STK33: variants seen among roughly 807,000 people sequenced by gnomAD.
STK33 encodes serine/threonine kinase 33.
Under a neutral mutation model 58.0 loss-of-function variants are expected in STK33, and 52 were observed. The ratio of observed to expected loss-of-function variants is 0.90; its 90% confidence interval spans 0.72 to 1.13. STK33 has a LOEUF of 1.13. Among genes scored for constraint, STK33 ranks in the 50% most tolerant of loss-of-function variants. The pLI, the probability that STK33 is intolerant of heterozygous loss-of-function variation, is 0.00. For synonymous variants in STK33, 215 were observed against 200.1 expected (o/e 1.07, Z -0.63); for missense variants, 630 against 604.2 (o/e 1.04, Z -0.45).
intron 1 of STK33, among the ~76,000 whole-genome samples, chr11:8,558,594 A>G (rs190925402): frequency 6.6e-6 from 1 of 152,284 alleles, no homozygotes; most frequent in African/African-American, 2.4e-5. Flanking sequence ...GGTTATCTGA[A>G]ATCAGAAGGA....
At chr11:8,537,837 T>C (rs916621663) in intron 1 of STK33, among the ~76,000 whole-genome samples, 1 of 146,174 alleles carries the variant, frequency 6.8e-6, no homozygotes, top group East Asian at 2.0e-4. Flanking sequence ...AAAAAAATAA[T>C]AAAAAATAAA....
In STK33 at chr11:8,475,057, C is replaced by G. The variant is rs1466840672; in HGVS notation, c.-152G>C. ...TAAGGATGCACTAGACACATATTCA[C>G]ACGTGAGAGCTGCAGAAAGAAAAGA... On this transcript the variant is annotated 5_prime_UTR_variant, in exon 5 of 16. Transcript: ENST00000687296. 1 of 557,338 alleles carries G rather than the reference C, an allele frequency of 1.8e-6. No individual in the cohort carries two copies. Among genetic ancestry groups the G allele is most frequent in the East Asian group, 3.1e-5 (1 of 31,996 alleles). 34.5% of individuals were successfully genotyped at this position (557,338 alleles called of 1,614,324 possible). A position where few individuals can be genotyped will look rare whatever the true frequency, so the allele number is the denominator to read the frequency against.
chr11:8,428,147 A>G (rs1490399480), intron 14 of STK33, among the ~76,000 whole-genome samples: 1 of 152,244 alleles, frequency 6.6e-6, no homozygotes, highest in Non-Finnish European at 1.5e-5. Flanking sequence ...AAAGTACACC[A>G]AAAGTATCAG....
intron 1 of STK33, among the ~76,000 whole-genome samples, chr11:8,490,278 C>CTGGATAGGCTGCA (rs1259611859): frequency 1.3e-5 from 2 of 152,220 alleles, no homozygotes; most frequent in Non-Finnish European, 2.9e-5. Context: ...CCCTGCATGG[C>CTGGATAGGCTGCA]TGGATAGGTC....
intron 7 of STK33, among the ~76,000 whole-genome samples, chr11:8,462,478 T>C (rs1336086066): frequency 6.3e-5 from 8 of 126,122 alleles, no homozygotes; most frequent in Non-Finnish European, 9.0e-5. Context: ...CACACATATA[T>C]ATATATATGT....
At chr11:8,487,610 G>A (rs1950282291) in intron 1 of STK33, among the ~76,000 whole-genome samples, 1 of 152,072 alleles carries the variant, frequency 6.6e-6, no homozygotes, top group South Asian at 2.1e-4. Context: ...TCAGTGGACT[G>A]AAGAATGGAA....
chr11:8,561,524 G>A (rs1369109946), intron 1 of STK33, among the ~76,000 whole-genome samples: 1 of 151,878 alleles, frequency 6.6e-6, no homozygotes, highest in East Asian at 1.9e-4. Flanking sequence ...TGATCATCCT[G>A]TTTCAGTTCT....
chr11:8,417,008 A>C (rs759345359), intron 14 of STK33, among the ~76,000 whole-genome samples: 7 of 152,182 alleles, frequency 4.6e-5, no homozygotes, highest in Non-Finnish European at 1.0e-4. Context: ...ACAACAATGT[A>C]TCATGAGCCT....
chr11:8,378,382 G>A, the STK33 span, among the ~76,000 whole-genome samples: 6,406 of 152,300 alleles, frequency 0.042, 210 homozygotes, highest in South Asian at 0.091. Flanking sequence ...GCTGGGCATG[G>A]TGGTGCATGC....
the STK33 span, among the ~76,000 whole-genome samples, chr11:8,357,247 C>T: frequency 3.9e-5 from 6 of 152,216 alleles, no homozygotes; most frequent in Admixed American, 2.0e-4. Context: ...CAGCGCGCGG[C>T]GCGATTACAC....
chr11:8,337,032 G>A, the STK33 span, among the ~76,000 whole-genome samples: 1 of 152,256 alleles, frequency 6.6e-6, no homozygotes, highest in African/African-American at 2.4e-5. Flanking sequence ...ATGGGCCGAG[G>A]ATGTGCTGAC....
At chr11:8,360,659 G>A in the STK33 span, among the ~76,000 whole-genome samples, 6 of 152,306 alleles carry the variant, frequency 3.9e-5, no homozygotes, top group African/African-American at 9.6e-5. Context: ...CTGCTATTGC[G>A]GCTGCAGGAT....
intron 1 of STK33, among the ~76,000 whole-genome samples, chr11:8,543,157 T>C (rs1457252256): frequency 1.3e-5 from 2 of 152,316 alleles, no homozygotes; most frequent in East Asian, 3.9e-4. Flanking sequence ...AAAAATCACA[T>C]GTCCATTAAG....
chr11:8,462,156 T>A (rs557190294), intron 7 of STK33, among the ~76,000 whole-genome samples: 1 of 152,240 alleles, frequency 6.6e-6, no homozygotes, highest in Admixed American at 6.5e-5. Flanking sequence ...TCAAGCCACA[T>A]CTGTTTCTTG....
At chr11:8,459,235 C>T (rs573885808) in intron 8 of STK33, among the ~76,000 whole-genome samples, 2 of 152,278 alleles carry the variant, frequency 1.3e-5, no homozygotes, top group African/African-American at 4.8e-5. Context: ...GAAACCATAG[C>T]ATAGTCAGAC....
At chr11:8,544,810 T>A (rs185912540) in intron 1 of STK33, among the ~76,000 whole-genome samples, 1 of 152,236 alleles carries the variant, frequency 6.6e-6, no homozygotes, top group Non-Finnish European at 1.5e-5. Context: ...AAGTCAATTA[T>A]AAATGTTTAC....
the STK33 span, among the ~76,000 whole-genome samples, chr11:8,343,019 T>G: frequency 9.2e-5 from 14 of 152,230 alleles, no homozygotes; most frequent in Non-Finnish European, 1.6e-4. Context: ...CTGATTTACA[T>G]AAGACTTAAG....
At chr11:8,488,577 G>C (rs1262134157) in intron 1 of STK33, among the ~76,000 whole-genome samples, 1 of 151,860 alleles carries the variant, frequency 6.6e-6, no homozygotes, top group Non-Finnish European at 1.5e-5. Flanking sequence ...TTGCTTCTAG[G>C]CATTGGAGGA....
At chr11:8,521,033 TATAA>T (rs1460220761) in intron 1 of STK33, among the ~76,000 whole-genome samples, 5 of 149,558 alleles carry the variant, frequency 3.3e-5, no homozygotes, top group Non-Finnish European at 1.5e-5. Context: ...TATATTTATT[TATAA>T]ATAAATAAAA....
Sources: allele counts gnomAD v4.1 joint callset (sites outside exome capture counted in the v4.1 genomes callset), GRCh38; gene constraint gnomAD v4.1.1; transcripts MANE v1.5; gene names NCBI Gene and HGNC (gene_info 2026-07-23, HGNC 2026-07-21).